Variants in DNAH2 observed in about 807,000 individuals in gnomAD.
DNAH2 encodes the protein dynein axonemal heavy chain 2, also known as axonemal beta dynein heavy chain 2.
In DNAH2, 323 loss-of-function variants were observed where a neutral mutation model predicts 523.5. That is an observed-to-expected ratio of 0.62 (90% CI 0.56 to 0.68). The LOEUF is 0.68. Among genes scored for constraint, DNAH2 ranks in the 30% least tolerant of loss-of-function variants. DNAH2 has a pLI of 0.00. For synonymous variants in DNAH2, 2,093 were observed against 2,177.4 expected, an observed-to-expected ratio of 0.96 and a Z score of 1.08; for missense variants, 4,907 against 5,701.5, an observed-to-expected ratio of 0.86 and a Z score of 4.49.
At position 7,776,079 on chromosome 17, in the gene DNAH2, G is replaced by A. The variant is rs530683645; in HGVS notation, c.4877G>A (p.Arg1626Gln). 3.7e-5 allele frequency: 59 copies of A among 1,614,094 alleles called. No individual in the cohort carries two copies. In the East Asian group the frequency reaches 7.1e-4, roughly 20 times the overall value. ...AGGGTGACCCTGCGGGACCTTCTCC[G>A]GAACTGCCACCTGGCCCTCAGGAAG... Reference protein sequence around the residue: ...TMRVTLRDLLRNCHLALRKFL... With the variant: ...TMRVTLRDLLQNCHLALRKFL... Residue 1626 changes from arginine (R) to glutamine (Q), a missense_variant, in exon 31 of 86, where the codon CGG becomes CAG. By Grantham distance (43) the Arg-to-Gln change is conservative (BLOSUM62 1). Around this residue, in one of 3 missense-constraint regions of DNAH2, gnomAD observed 2,806 missense variants for 3,190.8 expected, o/e 0.88. Coordinates refer to ENST00000572933, the MANE Select transcript of DNAH2 (RefSeq NM_020877.5).
At chr17:7,723,257 A>C (rs1245507780) in intron 2 of DNAH2, among the ~76,000 whole-genome samples, 1 of 131,320 alleles carries the variant, frequency 7.6e-6, no homozygotes, top group Admixed American at 8.3e-5. Flanking sequence ...GGTGTGAGCC[A>C]CTGTACCCGG....
At position 7,828,498 on chromosome 17, in the gene DNAH2, T is replaced by A. The variant is rs1407775549; in HGVS notation, c.11854-1802T>A. Among the ~76,000 whole-genome samples, 1 of 152,180 alleles carries A rather than the reference T, an allele frequency of 6.6e-6. No individual in the cohort carries two copies. Among genetic ancestry groups the A allele is most frequent in the Non-Finnish European group, 1.5e-5 (1 of 68,042 alleles). ...AGAGGGTCTTGCTCTATAGCCCAGGTGGAGTGCAGTGGTACAATCATAGCA... is the reference window on the plus strand; with the variant it reads ...AGAGGGTCTTGCTCTATAGCCCAGGAGGAGTGCAGTGGTACAATCATAGCA... On this transcript the variant is annotated intron_variant, in intron 77 of 85. Coordinates refer to ENST00000572933, the MANE Select transcript of DNAH2 (RefSeq NM_020877.5). This position sits in a 1 kb window ranked among gnomAD's most constrained non-coding sequence, Gnocchi z 4.1.
chr17:7,774,561 T>C (rs943876674), intron 28 of DNAH2, among the ~76,000 whole-genome samples, 198 bp from the exon 29 acceptor site: 1 of 152,152 alleles, frequency 6.6e-6, no homozygotes, highest in Admixed American at 6.5e-5. Context: ...TAGTGCATAA[T>C]GAATACTGTA....
chr17:7,721,749 A>G (rs1211244371), intron 2 of DNAH2, among the ~76,000 whole-genome samples: 4 of 152,048 alleles, frequency 2.6e-5, no homozygotes, highest in African/African-American at 9.7e-5. Context: ...TTTTACTCCA[A>G]TCTCCTGTGT....
Position 7,754,557 on chromosome 17 carries a change from C to G in DNAH2, c.1905-2534C>G. 1 of 1,364,098 alleles carries G rather than the reference C, an allele frequency of 7.3e-7. No homozygotes were observed. The allele number at this position is 1,364,098 out of a possible 1,614,324, so 84.5% of individuals were successfully genotyped here. On this transcript the variant is annotated intron_variant, in intron 12 of 85. Transcript: ENST00000572933. The surrounding 1 kb of genome is among the most constrained non-coding windows in gnomAD (Gnocchi z 4.6). ...ACAAAAGAAGGGCCTAAAGAAGATG[C>G]ACACCAACAATGCCAAGGCCATGAG...
chr17:7,771,573 T>A, intron 28 of DNAH2, 105 bp downstream of exon 28: 1 of 1,276,072 alleles, frequency 7.8e-7, no homozygotes, highest in Non-Finnish European at 1.1e-6. Context: ...CCAGCTCTCC[T>A]AACATTTCCC....
Position 7,821,172 on chromosome 17 carries a change from C to A in DNAH2, c.11016-71C>A. 1 of 1,561,620 alleles carries A rather than the reference C, an allele frequency of 6.4e-7. No individual in the cohort carries two copies. The highest frequency in any genetic ancestry group is 8.7e-7 in the Non-Finnish European group (1 of 1,149,418). The stretch of plus-strand genomic sequence containing the variant: ...GTGTGAAGCTGTGTGATAGTAGCAT[C>A]ATAGCATTCGCATGGAGCATCAGCC... On this transcript the variant is annotated intron_variant, in intron 72 of 85. Coordinates refer to ENST00000572933, the MANE Select transcript of DNAH2 (RefSeq NM_020877.5). The surrounding 1 kb of genome is among the most constrained non-coding windows in gnomAD (Gnocchi z 5.0).
intron 73 of DNAH2, among the ~76,000 whole-genome samples, chr17:7,822,127 C>T (rs567350332): frequency 8.1e-4 from 123 of 152,336 alleles, no homozygotes; most frequent in African/African-American, 2.7e-3. Flanking sequence ...TGCGCCACCA[C>T]GCCCGGCTAA....
At chr17:7,791,822 G>A (rs1227052636) in intron 44 of DNAH2, 95 bp from the exon 45 acceptor site, 2 of 1,224,914 alleles carry the variant, frequency 1.6e-6, no homozygotes, top group Non-Finnish European at 2.3e-6. Flanking sequence ...GAAGGAGGAA[G>A]ACCCAGGCTT....
chr17:7,733,163 A>C lies in DNAH2; in HGVS notation c.476A>C (p.Gln159Pro), dbSNP rs1035276711. 4 of 1,614,188 alleles carry C rather than the reference A, an allele frequency of 2.5e-6. No homozygotes were observed. Among genetic ancestry groups the C allele is most frequent in the Non-Finnish European group, 3.4e-6 (4 of 1,180,036 alleles). ...TGGGAGAACTTCGAGGCAACTGTGC[A>C]GTTTGGGACGGTGCGGGGCCCCTAT... ...ITWENFEATV[Q>P]FGTVRGPYIP... The change falls in exon 5 of 86, where the codon CAG (glutamine) becomes CCG (proline). Residue 159 changes from glutamine (Q) to proline (P), a missense_variant. Physicochemically the swap from Gln to Pro is moderately conservative, Grantham distance 76. Around this residue, in one of 3 missense-constraint regions of DNAH2, gnomAD observed 2,806 missense variants for 3,190.8 expected, o/e 0.88. Coordinates refer to ENST00000572933, the MANE Select transcript of DNAH2 (RefSeq NM_020877.5).
intron 45 of DNAH2, 69 bp downstream of exon 45, chr17:7,792,138 G>C: frequency 6.2e-7 from 1 of 1,603,976 alleles, no homozygotes. Context: ...CCCATCTCAG[G>C]CTCTGCTTGG....
intron 68 of DNAH2, 92 bp from the exon 69 acceptor site, chr17:7,818,220 G>C: frequency 6.3e-7 from 1 of 1,596,526 alleles, no homozygotes; most frequent in South Asian, 1.1e-5. Context: ...CCTTAGGACA[G>C]GCTGAGTCGC....
intron 7 of DNAH2, 59 bp downstream of exon 7, chr17:7,734,767 T>C (rs2075094154): frequency 8.4e-6 from 13 of 1,553,330 alleles, no homozygotes; most frequent in Non-Finnish European, 1.2e-5. Context: ...GTTGGGATGA[T>C]ACAGGGAGCT....
intron 78 of DNAH2, 52 bp from the exon 79 acceptor site, chr17:7,830,606 G>A (rs1271146725): frequency 1.9e-6 from 3 of 1,610,456 alleles, no homozygotes; most frequent in African/African-American, 2.7e-5. Flanking sequence ...CCCATTGGCA[G>A]ATTTCCTGCC....
chr17:7,803,767 G>A (rs2077286661), intron 58 of DNAH2, among the ~76,000 whole-genome samples: 1 of 152,188 alleles, frequency 6.6e-6, no homozygotes, highest in Non-Finnish European at 1.5e-5. Flanking sequence ...TTGAGGTCAG[G>A]AGTTTGAGAC....
Position 7,794,073 on chromosome 17 carries a change from C to A in DNAH2, c.7570-181C>A, listed in dbSNP as rs575070683. On this transcript the variant is annotated intron_variant, in intron 48 of 85. Transcript: ENST00000572933. ...AATAAGTTTCCCATGTCCCTTCCTT[C>A]TCTTCCCCTCCCCCTGCCCTACCAC... Among the ~76,000 whole-genome samples the A allele has an allele frequency of 3.3e-5, 5 of 152,256 alleles. No homozygotes were observed. In the South Asian group the frequency reaches 1.0e-3, roughly 32 times the overall value.
intron 44 of DNAH2, among the ~76,000 whole-genome samples, chr17:7,789,071 G>A (rs2151266774): frequency 6.6e-6 from 1 of 152,316 alleles, no homozygotes; most frequent in South Asian, 2.1e-4. Context: ...GGCTGAGACA[G>A]GACAATCGCT....
Position 7,816,638 on chromosome 17 carries a change from G to A in DNAH2, c.9797G>A (p.Arg3266His), listed in dbSNP as rs931986589. The A allele has an allele frequency of 3.7e-6, 6 of 1,614,204 alleles. No homozygotes were observed. The highest frequency in any genetic ancestry group is 5.1e-6 in the Non-Finnish European group (6 of 1,180,036). Residue 3266 changes from arginine (R) to histidine (H), a missense_variant, in exon 64 of 86, where the codon CGC becomes CAC. By Grantham distance (29) the Arg-to-His change is conservative. Transcript: ENST00000572933. ...DEKLAQKEEL[R>H]KKSEEMELKL... is the part of the protein sequence containing the mutation. Reference sequence around the variant, plus strand: ...AAGCTGGCACAGAAGGAGGAGCTTCGCAAGAAGTCTGAAGAGATGGAGCTG... The same window carrying A: ...AAGCTGGCACAGAAGGAGGAGCTTCACAAGAAGTCTGAAGAGATGGAGCTG...
At position 7,800,810 on chromosome 17, in the gene DNAH2, T is replaced by C. The variant is rs543508201; in HGVS notation, c.8700-768T>C. 3.8e-3 allele frequency among the ~76,000 whole-genome samples: 562 copies of C among 146,724 alleles called. 4 individuals carry two copies. Among genetic ancestry groups the C allele is most frequent in the African/African-American group, 0.013 (535 of 39,822 alleles). On this transcript the variant is annotated intron_variant, in intron 56 of 85. Transcript: ENST00000572933. Reference sequence around the variant, plus strand: ...TGAACCTGGGAGGTGGAGCTTGCAGTGAGCCTAGATGGCGCTACTGCACTC... The same window carrying C: ...TGAACCTGGGAGGTGGAGCTTGCAGCGAGCCTAGATGGCGCTACTGCACTC...
Sources: gnomAD v4.1 joint callset for allele counts (sites outside exome capture counted in the v4.1 genomes callset) on GRCh38, gnomAD v4.1.1 for gene constraint, gnomAD v4.1.1 regional missense constraint, Gnocchi (gnomAD v3.1) non-coding constraint, MANE v1.5 for transcripts, NCBI Gene and HGNC (gene_info 2026-07-23, HGNC 2026-07-21) for gene names.